Variants in CSMD1 observed in about 807,000 individuals in gnomAD.
The protein encoded by CSMD1 is CUB and Sushi multiple domains 1.
Under a neutral mutation model 417.5 loss-of-function variants are expected in CSMD1, and 213 were observed. The observed-to-expected ratio is 0.51, with a 90% CI of 0.46 to 0.57. CSMD1 has a LOEUF of 0.57. CSMD1 is among the 20% of genes least tolerant of loss of function. The pLI, the probability that CSMD1 is intolerant of heterozygous loss-of-function variation, is 0.00. For missense variants in CSMD1, 6,923 were observed against 4,529.7 expected, an observed-to-expected ratio of 1.53 and a Z score of -15.17; for synonymous variants, 2,862 against 1,736.8, an observed-to-expected ratio of 1.65 and a Z score of -16.11.
intron 1 of CSMD1, among the ~76,000 whole-genome samples, chr8:4,864,474 C>T (rs997526869): frequency 6.6e-6 from 1 of 151,842 alleles, no homozygotes; most frequent in African/African-American, 2.4e-5. Context: ...AAAATCATTG[C>T]TCAGAAACCC....
intron 18 of CSMD1, among the ~76,000 whole-genome samples, chr8:3,383,623 G>C (rs948968735): frequency 1.3e-5 from 2 of 152,108 alleles, no homozygotes; most frequent in African/African-American, 2.4e-5. Context: ...ATGCCAATAA[G>C]AGAAGGAGAA....
At chr8:4,041,086 G>A (rs1308323040) in intron 3 of CSMD1, among the ~76,000 whole-genome samples, 6 of 138,520 alleles carry the variant, frequency 4.3e-5, no homozygotes, top group East Asian at 4.3e-4. Context: ...GCGCGATCTC[G>A]GCTCACTGCA....
intron 55 of CSMD1, among the ~76,000 whole-genome samples, chr8:2,977,479 C>A (rs138115406): frequency 6.6e-6 from 1 of 152,148 alleles, no homozygotes; most frequent in South Asian, 2.1e-4. Flanking sequence ...GTATGTACCA[C>A]GTTTTCTTTA....
At chr8:4,449,055 G>A (rs1381277780) in intron 2 of CSMD1, among the ~76,000 whole-genome samples, 1 of 152,178 alleles carries the variant, frequency 6.6e-6, no homozygotes, top group East Asian at 1.9e-4. Flanking sequence ...AAGGCCCACA[G>A]AAGGATGCTA....
chr8:4,267,164 G>A lies in CSMD1; in HGVS notation c.415+152789C>T, dbSNP rs561854978. Among the ~76,000 whole-genome samples the A allele has an allele frequency of 5.0e-3, 509 of 100,918 alleles. 68 individuals carry two copies. Among genetic ancestry groups the A allele is most frequent in the African/African-American group, 0.013 (490 of 36,496 alleles). The allele number at this position is 100,918 out of a possible 152,430, so 66.2% of individuals were successfully genotyped here. A position where few individuals can be genotyped will look rare whatever the true frequency, so the allele number is the denominator to read the frequency against. ...AATAAGTATAATTATTTGAAACAGT[G>A]AAGATAATATTCATTAATTCCAAAA... On this transcript the variant is annotated intron_variant, in intron 3 of 69. Coordinates refer to ENST00000635120, the MANE Select transcript of CSMD1 (RefSeq NM_033225.6).
intron 2 of CSMD1, among the ~76,000 whole-genome samples, chr8:4,531,528 G>A (rs1396260647): frequency 5.3e-5 from 8 of 152,082 alleles, no homozygotes; most frequent in Non-Finnish European, 1.0e-4. Context: ...ACCCCCAGAA[G>A]GTTGGAAGGA....
At chr8:4,524,528 T>C (rs1476837263) in intron 2 of CSMD1, among the ~76,000 whole-genome samples, 1 of 150,860 alleles carries the variant, frequency 6.6e-6, no homozygotes, top group Non-Finnish European at 1.5e-5. Flanking sequence ...CAGCAGGGTA[T>C]GAACCCTGCA....
Position 3,349,042 on chromosome 8 carries a change from G to A in CSMD1, c.3305-881C>T, listed in dbSNP as rs562710610. On this transcript the variant is annotated intron_variant, in intron 21 of 69. Transcript: ENST00000635120. ...CCAAGAGAGCTCCACAGGAGTCTGC[G>A]CCAACAATTTTACAGACTATACTAT... 1.6e-4 allele frequency among the ~76,000 whole-genome samples: 25 copies of A among 152,260 alleles called. No individual in the cohort carries two copies. In the South Asian group the frequency reaches 4.4e-3, roughly 27 times the overall value.
intron 1 of CSMD1, among the ~76,000 whole-genome samples, chr8:4,945,603 A>G (rs575083051): frequency 1.3e-5 from 2 of 152,142 alleles, no homozygotes; most frequent in Non-Finnish European, 2.9e-5. Flanking sequence ...TCTGGATAAG[A>G]AATTCTAAGT....
chr8:4,152,419 C>T (rs1796614992), intron 3 of CSMD1, among the ~76,000 whole-genome samples: 1 of 151,996 alleles, frequency 6.6e-6, no homozygotes. Flanking sequence ...TGGCTCACAC[C>T]TGTAATCCCA....
intron 54 of CSMD1, 68 bp from the exon 55 acceptor site, chr8:2,978,868 T>G: frequency 7.5e-7 from 1 of 1,327,666 alleles, no homozygotes; most frequent in Non-Finnish European, 1.0e-6. Context: ...AGATCAGAAA[T>G]GAAGGCGAAT....
chr8:3,896,370 G>T (rs573934538), intron 5 of CSMD1, among the ~76,000 whole-genome samples: 1 of 152,246 alleles, frequency 6.6e-6, no homozygotes, highest in South Asian at 2.1e-4. Context: ...AAGACTAATA[G>T]TCCAAACAGA....
At chr8:4,843,373 T>C (rs1488991852) in intron 1 of CSMD1, among the ~76,000 whole-genome samples, 1 of 152,178 alleles carries the variant, frequency 6.6e-6, no homozygotes, top group Admixed American at 6.5e-5. Context: ...TTAGGGATGA[T>C]TACGACCTTA....
intron 3 of CSMD1, among the ~76,000 whole-genome samples, chr8:4,110,115 G>C (rs1801773285): frequency 6.6e-6 from 1 of 152,142 alleles, no homozygotes; most frequent in African/African-American, 2.4e-5. Flanking sequence ...TAACGGTGGA[G>C]TTGGAAAAGT....
intron 1 of CSMD1, among the ~76,000 whole-genome samples, chr8:4,880,512 C>G (rs1444767954): frequency 2.0e-5 from 3 of 152,080 alleles, no homozygotes; most frequent in African/African-American, 7.3e-5. Flanking sequence ...TACAGAACCA[C>G]TCCCTTTAAA....
intron 1 of CSMD1, among the ~76,000 whole-genome samples, chr8:4,969,414 G>C (rs892994107): frequency 2.6e-5 from 4 of 151,812 alleles, no homozygotes; most frequent in African/African-American, 9.7e-5. Context: ...AGTAGGGCAA[G>C]TTAGCATGCA....
At chr8:3,053,934 T>C (rs1426801353) in intron 49 of CSMD1, among the ~76,000 whole-genome samples, 1 of 152,240 alleles carries the variant, frequency 6.6e-6, no homozygotes, top group Non-Finnish European at 1.5e-5. Context: ...TTTTCCCATG[T>C]AGATTCTAAT....
At chr8:3,374,955 C>T (rs751614679) in intron 18 of CSMD1, among the ~76,000 whole-genome samples, 31 of 152,228 alleles carry the variant, frequency 2.0e-4, no homozygotes, top group African/African-American at 5.5e-4. Context: ...GGGAGGAGGG[C>T]GGCAGTTGAA....
intron 3 of CSMD1, among the ~76,000 whole-genome samples, chr8:4,249,686 T>A (rs540811804): frequency 6.6e-6 from 1 of 152,226 alleles, no homozygotes; most frequent in South Asian, 2.1e-4. Flanking sequence ...CCTACCGCTG[T>A]TGTAGCGAAA....
Sources: gnomAD v4.1 joint callset for allele counts (sites outside exome capture counted in the v4.1 genomes callset) on GRCh38, gnomAD v4.1.1 for gene constraint, MANE v1.5 for transcripts, NCBI Gene and HGNC (gene_info 2026-07-23, HGNC 2026-07-21) for gene names.